The following DLG2 variants were observed in gnomAD, a reference collection of about 807,000 sequenced individuals.
DLG2 encodes the protein disks large homolog 2.
DLG2 carries 45 observed loss-of-function variants against 132.5 expected under a neutral mutation model. The observed-to-expected ratio is 0.34, with a 90% confidence interval of 0.27 to 0.44. The LOEUF is 0.44. DLG2 is among the 20% of genes least tolerant of loss of function. The probability of loss-of-function intolerance (pLI) is 1.00; values close to 1 mark genes in which losing one functional copy is unlikely to be tolerated. For synonymous variants in DLG2, 424 were observed against 419.6 expected (o/e 1.01, Z -0.13); for missense variants, 1,045 against 1,196.9 (o/e 0.87, Z 1.87).
chr11:83,532,299 A>G (rs896802897), intron 21 of DLG2, among the ~76,000 whole-genome samples: 1 of 152,122 alleles, frequency 6.6e-6, no homozygotes, highest in African/African-American at 2.4e-5. Context: ...CCATGTTTCT[A>G]TGACTACTGT....
intron 17 of DLG2, among the ~76,000 whole-genome samples, chr11:83,827,198 G>A (rs2053093582): frequency 6.6e-6 from 1 of 152,094 alleles, no homozygotes; most frequent in African/African-American, 2.4e-5. Context: ...ACTGGGGATG[G>A]CAGTGGAGAG....
chr11:84,189,788 A>G (rs1470879092), intron 8 of DLG2, among the ~76,000 whole-genome samples: 2 of 152,154 alleles, frequency 1.3e-5, no homozygotes, highest in East Asian at 3.9e-4. Context: ...ACATGGATAC[A>G]TCATGGTGAA....
intron 19 of DLG2, among the ~76,000 whole-genome samples, chr11:83,613,363 G>A (rs12278831): frequency 0.19 from 28,532 of 152,002 alleles, 2,832 homozygotes; most frequent in African/African-American, 0.19. Context: ...GTTCTTTGGC[G>A]CTCAGCTGCA....
chr11:83,503,110 C>T (rs138086236), intron 21 of DLG2, among the ~76,000 whole-genome samples: 15 of 151,448 alleles, frequency 9.9e-5, no homozygotes, highest in East Asian at 1.9e-4. Context: ...TGACAGTGCA[C>T]GCAAAGTACT....
rs79860298 is a variant in DLG2, at chr11:85,055,129, A to G, written c.357+56532T>C. Among the ~76,000 whole-genome samples the G allele has an allele frequency of 5.0e-3, 765 of 152,338 alleles. 18 individuals are homozygous for G. The East Asian group carries it at 0.068, about 14-fold the overall frequency. ...TAATTAGATGAATGAGTGACTTCAG[A>G]CAAATTTGTCAAATAAAGATGCTCA... is the stretch of plus-strand genomic sequence containing the variant. On this transcript the variant is annotated intron_variant, in intron 6 of 27. Coordinates refer to ENST00000376104, the MANE Select transcript of DLG2 (RefSeq NM_001142699.3).
At chr11:85,124,894 A>G (rs891158636) in intron 5 of DLG2, among the ~76,000 whole-genome samples, 1 of 150,988 alleles carries the variant, frequency 6.6e-6, no homozygotes, top group Non-Finnish European at 1.5e-5. Flanking sequence ...GCAGTGGCGC[A>G]ATCTTGGCTC....
intron 3 of DLG2, among the ~76,000 whole-genome samples, chr11:85,292,064 T>C (rs2078929447): frequency 6.6e-6 from 1 of 152,168 alleles, no homozygotes; most frequent in Admixed American, 6.5e-5. Flanking sequence ...ATTACAGTCT[T>C]GATGTTCCAT....
intron 3 of DLG2, among the ~76,000 whole-genome samples, chr11:85,426,146 G>A (rs1597232119): frequency 6.6e-6 from 1 of 152,178 alleles, no homozygotes; most frequent in South Asian, 2.1e-4. Flanking sequence ...AGGGAAGCTC[G>A]AACTGGGTAG....
chr11:83,961,921 T>C (rs554438372), intron 14 of DLG2, among the ~76,000 whole-genome samples: 9 of 152,020 alleles, frequency 5.9e-5, no homozygotes, highest in South Asian at 2.1e-4. Flanking sequence ...GCTAAAGATA[T>C]AAAGAGCTAC....
rs573697738 is a variant in DLG2, at chr11:85,277,378, A to G, written c.186+7842T>C. 3.9e-4 allele frequency among the ~76,000 whole-genome samples: 59 copies of G among 152,298 alleles called. 1 individual carries two copies. The highest frequency in any genetic ancestry group is 1.3e-3 in the African/African-American group (55 of 41,578). ...AAGTTATGAATAATAGTGACATTTT[A>G]CAGTTAAATATCTTTGCATCATCCA... On this transcript the variant is annotated intron_variant, in intron 4 of 27. Coordinates refer to ENST00000376104, the MANE Select transcript of DLG2 (RefSeq NM_001142699.3).
At chr11:84,104,782 A>T (rs1023780946) in intron 9 of DLG2, among the ~76,000 whole-genome samples, 3 of 152,220 alleles carry the variant, frequency 2.0e-5, no homozygotes, top group African/African-American at 7.2e-5. Context: ...AGGAGATTTT[A>T]AAAAATTATA....
At chr11:84,285,628 A>G (rs1321874644) in intron 7 of DLG2, among the ~76,000 whole-genome samples, 1 of 152,134 alleles carries the variant, frequency 6.6e-6, no homozygotes, top group African/African-American at 2.4e-5. Context: ...TCCAGATGTG[A>G]AAATTAAATA....
chr11:84,234,227 C>T (rs183684719), intron 8 of DLG2, among the ~76,000 whole-genome samples: 18 of 152,238 alleles, frequency 1.2e-4, no homozygotes, highest in African/African-American at 2.2e-4. Context: ...AAGATCAAGC[C>T]GTGCACATGA....
At chr11:84,649,926 G>C (rs1011549337) in intron 6 of DLG2, among the ~76,000 whole-genome samples, 6 of 152,090 alleles carry the variant, frequency 3.9e-5, no homozygotes, top group African/African-American at 1.4e-4. Flanking sequence ...ATGACTCTAG[G>C]AAGTTCCCTT....
intron 4 of DLG2, among the ~76,000 whole-genome samples, chr11:85,269,561 C>A (rs181124785): frequency 1.3e-5 from 2 of 152,102 alleles, no homozygotes; most frequent in East Asian, 3.9e-4. Flanking sequence ...AATAATAGTA[C>A]CAATTTCTTA....
intron 11 of DLG2, among the ~76,000 whole-genome samples, chr11:84,039,017 AT>A (rs1487646691): frequency 6.6e-6 from 1 of 152,076 alleles, no homozygotes; most frequent in East Asian, 1.9e-4. Flanking sequence ...GAACTACAAG[AT>A]GAGATTTGTT....
intron 18 of DLG2, among the ~76,000 whole-genome samples, chr11:83,689,937 A>AAT (rs1491433931): frequency 7.0e-6 from 1 of 142,704 alleles, no homozygotes; most frequent in South Asian, 2.1e-4. Flanking sequence ...ATAAATATAT[A>AAT]ATATATATTA....
intron 9 of DLG2, among the ~76,000 whole-genome samples, chr11:84,107,549 TACAC>T (rs1341070128): frequency 6.6e-6 from 1 of 152,036 alleles, no homozygotes; most frequent in Admixed American, 6.6e-5. Context: ...CACATGCACA[TACAC>T]ACACATTATA....
At chr11:83,865,548 G>A (rs2062177608) in intron 16 of DLG2, among the ~76,000 whole-genome samples, 1 of 152,044 alleles carries the variant, frequency 6.6e-6, no homozygotes, top group Non-Finnish European at 1.5e-5. Context: ...TTTCTGTAGA[G>A]AAGGGAGGGG....
Sources: allele counts gnomAD v4.1 joint callset (sites outside exome capture counted in the v4.1 genomes callset), GRCh38; gene constraint gnomAD v4.1.1; transcripts MANE v1.5; gene names NCBI Gene and HGNC (gene_info 2026-07-23, HGNC 2026-07-21).